ITPR2: variants seen among roughly 807,000 people sequenced by gnomAD.
ITPR2 encodes the protein inositol 1,4,5-trisphosphate-gated calcium channel ITPR2.
Under a neutral mutation model 317.1 loss-of-function variants are expected in ITPR2, and 207 were observed. The ratio of observed to expected loss-of-function variants is 0.65; its 90% CI spans 0.58 to 0.73. The LOEUF (loss-of-function observed/expected upper bound fraction) is 0.73. ITPR2 is among the 30% of genes least tolerant of loss of function. ITPR2 has a pLI of 0.00. For synonymous variants in ITPR2, 1,156 were observed against 1,149.1 expected (o/e 1.01, Z -0.12); for missense variants, 2,613 against 3,284.0 (o/e 0.80, Z 4.99).
intron 2 of ITPR2, among the ~76,000 whole-genome samples, chr12:26,782,322 A>G (rs1436368235): frequency 6.6e-6 from 1 of 151,988 alleles, no homozygotes; most frequent in Non-Finnish European, 1.5e-5. Context: ...GCCTAACCAT[A>G]AAACAAACAA....
At chr12:26,433,502 G>GT (rs1241977423) in intron 48 of ITPR2, among the ~76,000 whole-genome samples, 3 of 151,630 alleles carry the variant, frequency 2.0e-5, no homozygotes, top group South Asian at 4.2e-4. Context: ...TAGTGTAATT[G>GT]TTTTTTTCCA....
intron 55 of ITPR2, among the ~76,000 whole-genome samples, chr12:26,363,069 G>A (rs1195654832): frequency 6.6e-6 from 1 of 152,222 alleles, no homozygotes; most frequent in Non-Finnish European, 1.5e-5. Context: ...GGGCTGCATA[G>A]CAGGAAGTGA....
intron 13 of ITPR2, among the ~76,000 whole-genome samples, chr12:26,670,395 A>C (rs563552679): frequency 6.6e-6 from 1 of 152,154 alleles, no homozygotes; most frequent in Non-Finnish European, 1.5e-5. Context: ...GGTTCACGAA[A>C]AACTGCTGTT....
intron 1 of ITPR2, among the ~76,000 whole-genome samples, chr12:26,828,189 A>G (rs1951036956): frequency 6.6e-6 from 1 of 152,216 alleles, no homozygotes; most frequent in African/African-American, 2.4e-5. Flanking sequence ...ACAGAAGAGA[A>G]AGAAAATTCA....
intron 2 of ITPR2, among the ~76,000 whole-genome samples, chr12:26,775,774 TC>T (rs1949949343): frequency 6.6e-6 from 1 of 151,682 alleles, no homozygotes; most frequent in African/African-American, 2.4e-5. Flanking sequence ...CCAGCTTACA[TC>T]TTTCTCCTGT....
intron 29 of ITPR2, among the ~76,000 whole-genome samples, chr12:26,599,699 C>T (rs1945946393): frequency 6.6e-6 from 1 of 152,128 alleles, no homozygotes; most frequent in Admixed American, 6.6e-5. Flanking sequence ...ATTTACCTTA[C>T]TCATGGTATT....
chr12:26,557,611 C>T (rs547022680), intron 35 of ITPR2, among the ~76,000 whole-genome samples: 2 of 152,322 alleles, frequency 1.3e-5, no homozygotes, highest in South Asian at 2.1e-4. Context: ...TGAATGCCTA[C>T]AGACCTTTGG....
intron 36 of ITPR2, among the ~76,000 whole-genome samples, chr12:26,555,046 A>G (rs1162344975): frequency 6.6e-6 from 1 of 152,180 alleles, no homozygotes; most frequent in Non-Finnish European, 1.5e-5. Flanking sequence ...AGGTGTCTGG[A>G]CAAATACACT....
At chr12:26,673,154 A>T (rs1392953972) in intron 13 of ITPR2, among the ~76,000 whole-genome samples, 2 of 152,224 alleles carry the variant, frequency 1.3e-5, no homozygotes, top group East Asian at 3.8e-4. Context: ...AAACTATTCC[A>T]ATCAATAGAA....
Position 26,556,245 on chromosome 12 carries a change from G to A in ITPR2, c.4952C>T (p.Ala1651Val). Residue 1651 changes from alanine to valine, a missense_variant, in exon 36 of 57, where the codon GCT becomes GTT. By Grantham distance (64) the Ala-to-Val change is moderately conservative. Around this residue, in one of 9 missense-constraint regions of ITPR2, gnomAD observed 926 missense variants for 1,072.8 expected, o/e 0.86. Transcript: ENST00000381340. ...TGGATCCACTTACTTCGACATGAAA[G>A]CGCCACATCTTATTCTTGCATCGCT... The part of the protein sequence containing the change: ...EGSDARIRCG[A>V]FMSKLINHTK... The A allele has an allele frequency of 1.2e-6, 2 of 1,613,566 alleles. No individual in the cohort carries two copies. The highest frequency in any genetic ancestry group is 1.1e-5 in the South Asian group (1 of 90,928).
At chr12:26,502,514 A>T (rs1380524009) in intron 37 of ITPR2, among the ~76,000 whole-genome samples, 1 of 152,238 alleles carries the variant, frequency 6.6e-6, no homozygotes, top group Non-Finnish European at 1.5e-5. Flanking sequence ...GGTACACAGT[A>T]TAAAAACCTA....
chr12:26,760,998 C>G (rs893961339), intron 2 of ITPR2, among the ~76,000 whole-genome samples: 3 of 152,050 alleles, frequency 2.0e-5, no homozygotes, highest in Non-Finnish European at 4.4e-5. Context: ...CAGGTTCTAA[C>G]CTGGCTCCCA....
intron 23 of ITPR2, among the ~76,000 whole-genome samples, chr12:26,627,568 C>A (rs1946649886): frequency 6.6e-6 from 1 of 152,190 alleles, no homozygotes; most frequent in Admixed American, 6.5e-5. Context: ...AGAGTTATTT[C>A]ACAATCTGTC....
Position 26,339,485 on chromosome 12 carries a change from T to C in ITPR2, c.8020-2A>G. On this transcript the variant is annotated splice_acceptor_variant, in intron 56 of 56. Coordinates refer to ENST00000381340, the MANE Select transcript of ITPR2 (RefSeq NM_002223.4). LOFTEE classifies it high-confidence loss of function. ...CTTATTCTTCCTTTGTTCTGTCATC[T>C]GGGGGAAAAGAGAGAGTGTGTGTTC... 1 of 1,613,342 alleles carries C rather than the reference T, an allele frequency of 6.2e-7. No individual in the cohort carries two copies. The highest frequency in any genetic ancestry group is 8.5e-7 in the Non-Finnish European group (1 of 1,179,400).
chr12:26,681,770 C>T (rs1390236227), intron 13 of ITPR2, 104 bp downstream of exon 13: 7 of 772,978 alleles, frequency 9.1e-6, no homozygotes, highest in South Asian at 2.1e-5. Context: ...AGTGTGCTAT[C>T]GAGAATGTTC....
At chr12:26,439,442 C>G in intron 46 of ITPR2, 123 bp from the exon 47 acceptor site, 1 of 644,708 alleles carries the variant, frequency 1.6e-6, no homozygotes, top group Non-Finnish European at 2.6e-6. Context: ...AATGTGCCAA[C>G]TTGAAGTATC....
At chr12:26,697,415 A>T (rs1948371457) in intron 9 of ITPR2, among the ~76,000 whole-genome samples, 1 of 152,192 alleles carries the variant, frequency 6.6e-6, no homozygotes, top group Non-Finnish European at 1.5e-5. Flanking sequence ...ATGCAAAATG[A>T]ATTTTCAGGA....
intron 37 of ITPR2, among the ~76,000 whole-genome samples, chr12:26,512,434 G>A (rs889064993): frequency 8.5e-5 from 13 of 152,140 alleles, no homozygotes; most frequent in African/African-American, 3.1e-4. Context: ...CAGATTCACT[G>A]GGCCAGACTA....
intron 36 of ITPR2, among the ~76,000 whole-genome samples, chr12:26,554,628 G>C (rs773549033): frequency 3.3e-5 from 5 of 152,158 alleles, no homozygotes; most frequent in Non-Finnish European, 7.4e-5. Flanking sequence ...CCCGTTCCAG[G>C]CTGTCACATC....
Sources: gnomAD v4.1 joint callset for allele counts (sites outside exome capture counted in the v4.1 genomes callset) on GRCh38, gnomAD v4.1.1 for gene constraint, gnomAD v4.1.1 regional missense constraint, MANE v1.5 for transcripts, NCBI Gene and HGNC (gene_info 2026-07-23, HGNC 2026-07-21) for gene names.